Variants in ASB16 observed in about 807,000 individuals in gnomAD.
The protein encoded by ASB16 is ankyrin repeat and SOCS box containing 16.
ASB16 carries 44 observed loss-of-function variants against 39.1 expected under a neutral mutation model. The observed-to-expected ratio is 1.13, with a 90% CI of 0.88 to 1.45. The LOEUF is 1.45. ASB16 is among the 40% of genes most tolerant of loss of function. The pLI is 0.00. For missense variants in ASB16, 698 were observed against 634.5 expected (o/e 1.10, Z -1.07); for synonymous variants, 305 against 286.7 (o/e 1.06, Z -0.64).
Position 44,177,705 on chromosome 17 carries a change from C to T in ASB16, c.1159C>T (p.Leu387Phe). 4 of 1,613,758 alleles carry T rather than the reference C, an allele frequency of 2.5e-6. No homozygotes were observed. The highest frequency in any genetic ancestry group is 3.4e-6 in the Non-Finnish European group (4 of 1,179,762). Residue 387 changes from leucine to phenylalanine, a missense_variant, in exon 4 of 5, where the codon CTC becomes TTC. Leu to Phe is a conservative substitution (Grantham distance 22). Coordinates refer to ENST00000293414, the MANE Select transcript of ASB16 (RefSeq NM_080863.5). ...CTGTGAGACCTGGGTGGAGGCGGTG[C>T]TCCCAGAGCTGTGGAAGGTATGTTT... The part of the protein sequence containing the change: ...PSCETWVEAV[L>F]PELWKEHEAF...
At position 44,177,009 on chromosome 17, in the gene ASB16, G is replaced by A. The variant is rs975153669; in HGVS notation, c.841G>A (p.Gly281Arg). Residue 281 changes from glycine to arginine, a missense_variant, in exon 3 of 5, where the codon GGG becomes AGG. Gly to Arg is a moderately radical substitution (Grantham distance 125). Transcript: ENST00000293414. ...GGCTGGAGCTGATGCCCGGGCGGCCGGGCGCAAGCGCCACACGCCGCTGCA... is the reference window on the plus strand; with the variant it reads ...GGCTGGAGCTGATGCCCGGGCGGCCAGGCGCAAGCGCCACACGCCGCTGCA... The part of the protein sequence containing the change: ...LEAGADARAA[G>R]RKRHTPLHNA... 2.7e-5 allele frequency: 40 copies of A among 1,488,844 alleles called. No individual in the cohort carries two copies. Among genetic ancestry groups the A allele is most frequent in the Admixed American group, 2.2e-4 (9 of 40,974 alleles). 92.2% of individuals were successfully genotyped at this position (1,488,844 alleles called of 1,614,324 possible).
chr17:44,176,656 A>G (rs1308653970), intron 2 of ASB16, 82 bp from the exon 3 acceptor site: 2 of 1,604,890 alleles, frequency 1.2e-6, no homozygotes, highest in Non-Finnish European at 1.7e-6. Flanking sequence ...AGAGGGGTGG[A>G]AAGGCAAGGG....
intron 2 of ASB16, among the ~76,000 whole-genome samples, chr17:44,173,202 C>T (rs904359791): frequency 1.3e-5 from 2 of 148,838 alleles, no homozygotes; most frequent in Non-Finnish European, 3.0e-5. Context: ...GCCTGGCCAA[C>T]ATAGTGAAAC....
At chr17:44,175,950 G>A (rs548444076) in intron 2 of ASB16, 1 of 152,284 alleles carries the variant, frequency 6.6e-6, no homozygotes, top group African/African-American at 2.4e-5. Flanking sequence ...TGTGGGGACA[G>A]AAAGAAAATA....
chr17:44,172,044 A>T lies in ASB16; in HGVS notation c.302-2A>T, dbSNP rs1373885101. 10 of 1,610,526 alleles carry T rather than the reference A, an allele frequency of 6.2e-6. No individual in the cohort carries two copies. Reference sequence around the variant, plus strand: ...CCTCCCAAAACTATTTGCTCTCCCTAGGGTTCTGGGTGCTGACCCCCAAGA... The same window carrying T: ...CCTCCCAAAACTATTTGCTCTCCCTTGGGTTCTGGGTGCTGACCCCCAAGA... On this transcript the variant is annotated splice_acceptor_variant, in intron 1 of 4. Transcript: ENST00000293414. LOFTEE classifies it high-confidence loss of function.
rs964832257 is a variant in ASB16, at chr17:44,175,391, G to C, written c.570-1347G>C. Among the ~76,000 whole-genome samples, 7 of 102,540 alleles carry C rather than the reference G, an allele frequency of 6.8e-5. No individual in the cohort carries two copies. The South Asian group carries it at 1.5e-3, about 22-fold the overall frequency. The allele number at this position is 102,540 out of a possible 152,430, so 67.3% of individuals were successfully genotyped here. A position where few individuals can be genotyped will look rare whatever the true frequency, so the allele number is the denominator to read the frequency against. On this transcript the variant is annotated intron_variant, in intron 2 of 4. Transcript: ENST00000293414. ...CACTCCAGCCTGGGCAACAGAATGAGACTCCATCTAAAAAAAAAAAAAAAA... is the reference window on the plus strand; with the variant it reads ...CACTCCAGCCTGGGCAACAGAATGACACTCCATCTAAAAAAAAAAAAAAAA...
chr17:44,170,908 G>A lies in ASB16; in HGVS notation c.119G>A (p.Arg40Lys), dbSNP rs771660999. Residue 40 changes from arginine to lysine, a missense_variant, in exon 1 of 5, where the codon AGG becomes AAG. Transcript: ENST00000293414. ...GCTGCCCAGCAGTGCCGGAGCCGCA[G>A]GTGCCCGTCAAGTCCCCGGGCCCGA... ...RAAAQQCRSR[R>K]CPSSPRARLT... 2 of 1,612,504 alleles carry A rather than the reference G, an allele frequency of 1.2e-6. No homozygotes were observed. The highest frequency in any genetic ancestry group is 1.7e-6 in the Non-Finnish European group (2 of 1,179,770).
rs1442363934 is a variant in ASB16, at chr17:44,172,086, C to A, written c.342C>A (p.Pro114=). The stretch of plus-strand genomic sequence containing the variant: ...CCCCCAAGACCAAGCAGACGGCACC[C>A]CTCGCCATCGCTACAGCCCGAGGCT... The part of the protein sequence containing the change: ...VLTPKTKQTA[P]LAIATARGYT... The change falls in exon 2 of 5, where the codon CCC becomes CCA. Residue 114 remains proline, a synonymous_variant. Coordinates refer to ENST00000293414, the MANE Select transcript of ASB16 (RefSeq NM_080863.5). 4.3e-6 allele frequency: 7 copies of A among 1,611,696 alleles called. No individual in the cohort carries two copies. The highest frequency in any genetic ancestry group is 5.9e-6 in the Non-Finnish European group (7 of 1,179,910).
rs10628218 is a variant in ASB16 at position 44,172,349 on chromosome 17, A to ATGTG, written c.569+46_569+49dup. 6.4e-6 allele frequency: 10 copies of ATGTG among 1,569,598 alleles called. No homozygotes were observed. The East Asian group carries it at 1.2e-4, about 18-fold the overall frequency. ...GGGGGCTGAGACAGTTTGGGGAGAA[A>ATGTG]TGTGTGTGTGTGTCTCCAGCTCACA... On this transcript the variant is annotated intron_variant, in intron 2 of 4. Coordinates refer to ENST00000293414, the MANE Select transcript of ASB16 (RefSeq NM_080863.5).
At chr17:44,175,101 CAA>C (rs11479738) in intron 2 of ASB16, among the ~76,000 whole-genome samples, 1,791 of 95,914 alleles carry the variant, frequency 0.019, 24 homozygotes, top group African/African-American at 0.059. Context: ...GACTCTGCCT[CAA>C]AAAAAAAAAA....
chr17:44,177,538 G>A, intron 3 of ASB16, 71 bp from the exon 4 acceptor site: 1 of 1,562,338 alleles, frequency 6.4e-7, no homozygotes, highest in East Asian at 2.3e-5. Flanking sequence ...TTGGCCATGT[G>A]GGTGAGGCAA....
intron 2 of ASB16, among the ~76,000 whole-genome samples, chr17:44,175,314 A>G (rs1280301315): frequency 5.4e-5 from 8 of 149,256 alleles, no homozygotes; most frequent in Admixed American, 4.7e-4. Context: ...AGGCAGGAGA[A>G]TGGCAGGAAC....
chr17:44,176,372 AAAAG>A (rs1346040169), intron 2 of ASB16: 3 of 288,738 alleles, frequency 1.0e-5, no homozygotes, highest in South Asian at 6.9e-5. Context: ...AAAAAAAAAA[AAAAG>A]GAGACAACTG....
chr17:44,177,169 G>A lies in ASB16; in HGVS notation c.1001G>A (p.Trp334Ter), dbSNP rs1299581128. 1 of 1,532,264 alleles carries A rather than the reference G, an allele frequency of 6.5e-7. No individual in the cohort carries two copies. The highest frequency in any genetic ancestry group is 8.8e-7 in the Non-Finnish European group (1 of 1,140,982). 94.9% of individuals were successfully genotyped at this position (1,532,264 alleles called of 1,614,324 possible). ...ALQAVQDSPN[W>*]EPEVLFAALL... Reference sequence around the variant, plus strand: ...CAGGCCGTCCAGGACTCCCCCAACTGGGAGCCTGAAGTCCTTTTCGCCGCA... The same window carrying A: ...CAGGCCGTCCAGGACTCCCCCAACTAGGAGCCTGAAGTCCTTTTCGCCGCA... Residue 334 changes from tryptophan (W) to a stop codon, truncating the protein, a stop_gained, in exon 3 of 5, where the codon TGG becomes TAG. Coordinates refer to ENST00000293414, the MANE Select transcript of ASB16 (RefSeq NM_080863.5). LOFTEE classifies it high-confidence loss of function.
intron 2 of ASB16, among the ~76,000 whole-genome samples, chr17:44,174,206 A>AT (rs376497034): frequency 1.9e-3 from 285 of 148,534 alleles, no homozygotes; most frequent in Non-Finnish European, 3.6e-3. Flanking sequence ...CGCCCGGCTA[A>AT]TTTTTTTTTT....
Position 44,177,079 on chromosome 17 carries a change from T to C in ASB16, c.911T>C (p.Leu304Pro). The C allele has an allele frequency of 3.4e-6, 5 of 1,473,792 alleles. No individual in the cohort carries two copies. The highest frequency in any genetic ancestry group is 4.4e-6 in the Non-Finnish European group (5 of 1,124,644). 91.3% of individuals were successfully genotyped at this position (1,473,792 alleles called of 1,614,324 possible). Residue 304 changes from leucine to proline, a missense_variant, in exon 3 of 5, where the codon CTG (leucine) becomes CCG (proline). Transcript: ENST00000293414. ...TGCGGGGGCCTGGCCGAGCTGCTGC[T>C]GCGTTACGGGGCCCGCGCTGAGGTC... ...NGCGGLAELL[L>P]RYGARAEVPN... is the part of the protein sequence containing the mutation.
chr17:44,174,163 C>T (rs1048021405), intron 2 of ASB16, among the ~76,000 whole-genome samples: 1 of 151,754 alleles, frequency 6.6e-6, no homozygotes, highest in African/African-American at 2.4e-5. Context: ...CCTGAGCCTC[C>T]CGAGTAACTG....
At chr17:44,173,846 C>T (rs1365957725) in intron 2 of ASB16, among the ~76,000 whole-genome samples, 1 of 151,994 alleles carries the variant, frequency 6.6e-6, no homozygotes, top group Non-Finnish European at 1.5e-5. Context: ...ATGGGGGTGC[C>T]TCACACCGAT....
At chr17:44,175,400 T>TAAAAA (rs10583057) in intron 2 of ASB16, among the ~76,000 whole-genome samples, 1 of 56,252 alleles carries the variant, frequency 1.8e-5, no homozygotes, top group Non-Finnish European at 3.3e-5. Flanking sequence ...AGACTCCATC[T>TAAAAA]AAAAAAAAAA....
Sources: gnomAD v4.1 joint callset for allele counts (sites outside exome capture counted in the v4.1 genomes callset) on GRCh38, gnomAD v4.1.1 for gene constraint, MANE v1.5 for transcripts, NCBI Gene and HGNC (gene_info 2026-07-23, HGNC 2026-07-21) for gene names.